The following POLE4 variants were observed in gnomAD, a reference collection of about 807,000 sequenced individuals.
POLE4 encodes the protein DNA polymerase epsilon 4, accessory subunit, also known as DNA polymerase epsilon subunit 4.
Under a neutral mutation model 15.6 loss-of-function variants are expected in POLE4, and 15 were observed. That is an observed-to-expected ratio of 0.96 (90% CI 0.64 to 1.48). The LOEUF is 1.48. Among genes scored for constraint, POLE4 ranks in the 40% most tolerant of loss-of-function variants. The probability of loss-of-function intolerance (pLI) is 0.00; values close to 1 mark genes in which losing one functional copy is unlikely to be tolerated. For synonymous variants in POLE4, 83 were observed against 63.2 expected (o/e 1.31, Z -1.49); for missense variants, 205 against 151.9 (o/e 1.35, Z -1.84).
In POLE4 at chr2:74,958,700, A is replaced by C. The variant is rs1188786284; in HGVS notation, c.21A>C (p.Ala7=). Residue 7 remains alanine, a synonymous_variant, in exon 1 of 4, where the codon GCA becomes GCC. Transcript: ENST00000483063. ...CCGGGATGGCGGCGGCGGCGGCGGC[A>C]GGAAGCGGGACGCCCCGAGAGGAGG... is the stretch of plus-strand genomic sequence containing the variant. MAAAAA[A]GSGTPREEEG... is the part of the protein sequence containing the mutation. 1.4e-6 allele frequency: 2 copies of C among 1,474,174 alleles called. No individual in the cohort carries two copies. The highest frequency in any genetic ancestry group is 2.9e-5 in the East Asian group (1 of 34,818). The allele number at this position is 1,474,174 out of a possible 1,614,324, so 91.3% of individuals were successfully genotyped here. A position where few individuals can be genotyped will look rare whatever the true frequency, so the allele number is the denominator to read the frequency against.
chr2:74,959,217 C>G (rs1408270995), intron 1 of POLE4, 124 bp from the exon 2 acceptor site: 6 of 651,560 alleles, frequency 9.2e-6, no homozygotes. Flanking sequence ...ACAATCTTAG[C>G]TTCCAGAACA....
intron 3 of POLE4, chr2:74,960,675 CAG>C (rs1159663241): frequency 9.0e-6 from 4 of 446,766 alleles, no homozygotes; most frequent in Non-Finnish European, 1.8e-5. Flanking sequence ...TACCTAGCCT[CAG>C]AGCGATTTCT....
At chr2:74,962,829 A>C (rs932710817) in intron 3 of POLE4, among the ~76,000 whole-genome samples, 6 of 152,126 alleles carry the variant, frequency 3.9e-5, no homozygotes, top group African/African-American at 9.7e-5. Flanking sequence ...TTTATAGCTT[A>C]CTATATAAGC....
rs1558829725 is a variant in POLE4 at position 74,969,435 on chromosome 2, G to T, written c.*13G>T. The T allele has an allele frequency of 1.2e-6, 2 of 1,613,330 alleles. No homozygotes were observed. Among genetic ancestry groups the T allele is most frequent in the East Asian group, 4.5e-5 (2 of 44,874 alleles). On this transcript the variant is annotated 3_prime_UTR_variant, in exon 4 of 4. Coordinates refer to ENST00000483063, the MANE Select transcript of POLE4 (RefSeq NM_019896.4). ...TACTTTAGATTGATTGCCGAGCGGG[G>T]CAGTTTTGTGAGCCTTCATCTGAAG...
chr2:74,969,080 T>C (rs1208506715), intron 3 of POLE4, among the ~76,000 whole-genome samples: 2 of 152,232 alleles, frequency 1.3e-5, no homozygotes, highest in African/African-American at 4.8e-5. Context: ...ATAAACTCTT[T>C]AATTAGAGAG....
rs1162396957 is a variant in POLE4 at position 74,961,657 on chromosome 2, TC to T, written c.340+1512del. Among the ~76,000 whole-genome samples, 6 of 152,232 alleles carry T rather than the reference TC, an allele frequency of 3.9e-5. No homozygotes were observed. In the East Asian group the frequency reaches 5.8e-4, roughly 15 times the overall value. On this transcript the variant is annotated intron_variant, in intron 3 of 3. Coordinates refer to ENST00000483063, the MANE Select transcript of POLE4 (RefSeq NM_019896.4). ...GGGGTGGTCTTATGTAGTTTTCCAC[TC>T]TAGCCTCTATCACAGCATAGTGCTT...
At chr2:74,964,005 C>T (rs1671262955) in intron 3 of POLE4, among the ~76,000 whole-genome samples, 1 of 152,104 alleles carries the variant, frequency 6.6e-6, no homozygotes, top group Non-Finnish European at 1.5e-5. Context: ...ATGCTAAAAT[C>T]TTTATAGTTT....
At chr2:74,960,281 A>G in intron 3 of POLE4, 135 bp downstream of exon 3, 2 of 770,484 alleles carry the variant, frequency 2.6e-6, no homozygotes, top group Non-Finnish European at 4.5e-6. Context: ...TAGGATAGAA[A>G]AAAGTAACTT....
chr2:74,964,430 A>G (rs910417849), intron 3 of POLE4, among the ~76,000 whole-genome samples: 2 of 152,198 alleles, frequency 1.3e-5, no homozygotes, highest in Non-Finnish European at 2.9e-5. Flanking sequence ...TATCTTTACA[A>G]TAGTGAACCT....
chr2:74,961,318 T>TTGAGA (rs753145628), intron 3 of POLE4: 5 of 152,234 alleles, frequency 3.3e-5, no homozygotes, highest in Non-Finnish European at 7.3e-5. Context: ...TCTTATTAGA[T>TTGAGA]AGATAGACTA....
At position 74,959,415 on chromosome 2, in the gene POLE4, G is replaced by A. The variant is rs765813583; in HGVS notation, c.288G>A (p.Arg96=). Reference sequence around the variant, plus strand: ...AGGGAAAAAGGAAAACCCTTCAGAGGAGAGACTTGGGTAGAGTGGCACTGC... The same window carrying A: ...AGGGAAAAAGGAAAACCCTTCAGAGAAGAGACTTGGGTAGAGTGGCACTGC... The part of the protein sequence containing the change: ...AQQGKRKTLQ[R]RDLDNAIEAV... Residue 96 remains arginine, a synonymous_variant, in exon 2 of 4, where the codon AGG becomes AGA. Transcript: ENST00000483063. 2 of 1,609,332 alleles carry A rather than the reference G, an allele frequency of 1.2e-6. No homozygotes were observed. Among genetic ancestry groups the A allele is most frequent in the African/African-American group, 1.3e-5 (1 of 74,846 alleles).
In POLE4 at chr2:74,959,320, CTT is replaced by C. The variant is rs1441683282; in HGVS notation, c.214-19_214-18del. On this transcript the variant is annotated intron_variant, in intron 1 of 3. Transcript: ENST00000483063. ...AGTGTGTTAGAACCCATTACTAAAA[CTT>C]TGCTTTTTTACTTCACAGGAACTGT... 1.9e-6 allele frequency: 3 copies of C among 1,575,224 alleles called. No individual in the cohort carries two copies. Among genetic ancestry groups the C allele is most frequent in the South Asian group, 1.1e-5 (1 of 89,964 alleles).
At chr2:74,968,227 C>A (rs1671321542) in intron 3 of POLE4, among the ~76,000 whole-genome samples, 1 of 152,018 alleles carries the variant, frequency 6.6e-6, no homozygotes, top group Admixed American at 6.5e-5. Context: ...AGGAACTTGC[C>A]ATTATGAAAA....
intron 1 of POLE4, 195 bp from the exon 2 acceptor site, chr2:74,959,144 CTT>C (rs1302468583): frequency 1.6e-6 from 1 of 612,390 alleles, no homozygotes; most frequent in Non-Finnish European, 2.9e-6. Context: ...TTGTAGGAGT[CTT>C]TAGTGAATGA....
chr2:74,960,209 A>C lies in POLE4; in HGVS notation c.340+63A>C, dbSNP rs1671195672. ...CTTTTGCATGTTGATGTGAAATTCAAAATCTCATAAAACGGATGCCTGCTT... is the reference window on the plus strand; with the variant it reads ...CTTTTGCATGTTGATGTGAAATTCACAATCTCATAAAACGGATGCCTGCTT... On this transcript the variant is annotated intron_variant, in intron 3 of 3. Coordinates refer to ENST00000483063, the MANE Select transcript of POLE4 (RefSeq NM_019896.4). The C allele has an allele frequency of 3.0e-6, 4 of 1,314,962 alleles. No homozygotes were observed. In the Admixed American group the frequency reaches 6.8e-5, roughly 22 times the overall value. The allele number at this position is 1,314,962 out of a possible 1,614,324, so 81.5% of individuals were successfully genotyped here. A position where few individuals can be genotyped will look rare whatever the true frequency, so the allele number is the denominator to read the frequency against.
rs115885878 is a variant in POLE4 at position 74,963,288 on chromosome 2, A to G, written c.340+3142A>G. ...CTTCTCATTCTTACCCACACTTGGT[A>G]TTACCAGAGTTTTTTATTTTTGACA... On this transcript the variant is annotated intron_variant, in intron 3 of 3. Transcript: ENST00000483063. 1.7e-3 allele frequency among the ~76,000 whole-genome samples: 256 copies of G among 152,266 alleles called. 2 individuals carry two copies. Among genetic ancestry groups the G allele is most frequent in the African/African-American group, 6.0e-3 (248 of 41,544 alleles).
intron 3 of POLE4, among the ~76,000 whole-genome samples, chr2:74,962,293 A>G (rs1022017237): frequency 6.6e-6 from 1 of 152,208 alleles, no homozygotes; most frequent in African/African-American, 2.4e-5. Context: ...TTTGTAAAGT[A>G]TGACTATTAG....
intron 1 of POLE4, 193 bp from the exon 2 acceptor site, chr2:74,959,148 A>G (rs1342382694): frequency 4.9e-6 from 3 of 612,656 alleles, no homozygotes; most frequent in Non-Finnish European, 5.9e-6. Context: ...AGGAGTCTTT[A>G]GTGAATGAGG....
chr2:74,965,408 T>C (rs1429337049), intron 3 of POLE4, among the ~76,000 whole-genome samples: 2 of 152,196 alleles, frequency 1.3e-5, no homozygotes, highest in Admixed American at 1.3e-4. Flanking sequence ...CCACTTTTTA[T>C]CTTATCTATT....
Sources: allele counts gnomAD v4.1 joint callset (sites outside exome capture counted in the v4.1 genomes callset), GRCh38; gene constraint gnomAD v4.1.1; transcripts MANE v1.5; gene names NCBI Gene and HGNC (gene_info 2026-07-23, HGNC 2026-07-21).